Variants in GUCY1A2 observed in about 807,000 individuals in gnomAD.
GUCY1A2 encodes guanylate cyclase 1 soluble subunit alpha 2.
A neutral mutation model predicts 63.5 loss-of-function variants in GUCY1A2; 27 were observed. The observed-to-expected ratio is 0.43, with a 90% CI of 0.31 to 0.59. The LOEUF is 0.59. Ranked by LOEUF, GUCY1A2 falls within the 20% of genes least tolerant of loss-of-function variation. The pLI, the probability that GUCY1A2 is intolerant of heterozygous loss-of-function variation, is 0.11. For synonymous variants in GUCY1A2, 364 were observed against 343.5 expected, an observed-to-expected ratio of 1.06 and a Z score of -0.66; for missense variants, 768 against 913.3, an observed-to-expected ratio of 0.84 and a Z score of 2.05.
intron 6 of GUCY1A2, among the ~76,000 whole-genome samples, chr11:106,759,245 G>C (rs1413416828): frequency 1.3e-5 from 2 of 151,818 alleles, no homozygotes; most frequent in Non-Finnish European, 2.9e-5. Flanking sequence ...TTAAGGCCCA[G>C]TTGAGTTCAA....
At chr11:106,704,238 C>T (rs948342231) in intron 7 of GUCY1A2, among the ~76,000 whole-genome samples, 1 of 152,070 alleles carries the variant, frequency 6.6e-6, no homozygotes, top group Non-Finnish European at 1.5e-5. Flanking sequence ...TTTCTTCCTC[C>T]ATGGAAAGAA....
chr11:106,741,826 A>G (rs748230707), intron 6 of GUCY1A2, among the ~76,000 whole-genome samples: 4 of 152,242 alleles, frequency 2.6e-5, no homozygotes, highest in Admixed American at 2.6e-4. Flanking sequence ...TTACCATTAA[A>G]TAAAATGTCA....
At chr11:106,776,074 A>T (rs1055680770) in intron 6 of GUCY1A2, among the ~76,000 whole-genome samples, 14 of 152,136 alleles carry the variant, frequency 9.2e-5, no homozygotes, top group South Asian at 4.1e-4. Flanking sequence ...CAGGTCCTCC[A>T]TTTTCTTGCT....
chr11:107,002,514 A>G (rs1301820350), intron 1 of GUCY1A2, among the ~76,000 whole-genome samples: 1 of 152,154 alleles, frequency 6.6e-6, no homozygotes, highest in Non-Finnish European at 1.5e-5. Flanking sequence ...AACACAAATA[A>G]AAAAACAGTT....
chr11:106,792,257 G>C (rs1280675624), intron 5 of GUCY1A2, among the ~76,000 whole-genome samples: 1 of 151,936 alleles, frequency 6.6e-6, no homozygotes, highest in Admixed American at 6.6e-5. Context: ...TCAGTGGTGG[G>C]TGCCTGTAAT....
At chr11:106,718,358 G>A (rs1023519114) in intron 6 of GUCY1A2, among the ~76,000 whole-genome samples, 2 of 152,028 alleles carry the variant, frequency 1.3e-5, no homozygotes, top group Non-Finnish European at 2.9e-5. Flanking sequence ...ATTTTCTGAT[G>A]AGGAAGGATA....
Position 107,017,870 on chromosome 11 carries a change from G to A in GUCY1A2, c.186C>T (p.Thr62=). Residue 62 remains threonine (T), a synonymous_variant, in exon 1 of 8, where the codon ACC becomes ACT. Transcript: ENST00000526355. ...AAAAAAAPAP[T]PAASAAAAAA... ...CGGCGGCGGCGGCAGAAGCAGCCGG[G>A]GTCGGGGCCGGGGCGGCGGCAGCGG... 8.0e-7 allele frequency: 1 copy of A among 1,250,162 alleles called. No homozygotes were observed. Among genetic ancestry groups the A allele is most frequent in the Non-Finnish European group, 1.0e-6 (1 of 995,438 alleles). The allele number at this position is 1,250,162 out of a possible 1,614,324, so 77.4% of individuals were successfully genotyped here.
At chr11:106,888,166 A>G (rs1414037294) in intron 4 of GUCY1A2, among the ~76,000 whole-genome samples, 1 of 152,060 alleles carries the variant, frequency 6.6e-6, no homozygotes, top group African/African-American at 2.4e-5. Flanking sequence ...GAGAACCAAA[A>G]ATGATTTTGA....
In GUCY1A2 at chr11:106,810,417, C is replaced by T; in HGVS notation, c.1268G>A (p.Gly423Asp). 1 of 1,610,678 alleles carries T rather than the reference C, an allele frequency of 6.2e-7. No homozygotes were observed. Among genetic ancestry groups the T allele is most frequent in the African/African-American group, 1.3e-5 (1 of 74,758 alleles). ...VPESNSILFL[G>D]SPCVDKLDEL... ...ATCCAACTTGTCCACACATGGAGAG[C>T]CCAAAAATAAAATGGAATTTGATTC... is the stretch of plus-strand genomic sequence containing the variant. Residue 423 changes from glycine (G) to aspartate (D), a missense_variant, in exon 5 of 8, where the codon GGC becomes GAC. This residue lies in a region of GUCY1A2 where 122 missense variants were observed against 238.1 expected (regional missense o/e 0.51). Coordinates refer to ENST00000526355, the MANE Select transcript of GUCY1A2 (RefSeq NM_000855.3).
chr11:106,885,428 C>A (rs1345182054), intron 4 of GUCY1A2, among the ~76,000 whole-genome samples: 1 of 152,186 alleles, frequency 6.6e-6, no homozygotes, highest in Non-Finnish European at 1.5e-5. Flanking sequence ...CAAGATACCA[C>A]TGCTCAGGTG....
chr11:106,700,008 C>T (rs1300271872), intron 7 of GUCY1A2, among the ~76,000 whole-genome samples: 1 of 152,018 alleles, frequency 6.6e-6, no homozygotes, highest in Non-Finnish European at 1.5e-5. Flanking sequence ...TGGTCTCGAT[C>T]TCCTGACTTC....
At chr11:106,768,987 C>T (rs1158832649) in intron 6 of GUCY1A2, among the ~76,000 whole-genome samples, 2 of 152,120 alleles carry the variant, frequency 1.3e-5, no homozygotes, top group Non-Finnish European at 2.9e-5. Flanking sequence ...CAGGTCCTCA[C>T]AGAGACCAAA....
chr11:106,979,345 C>T (rs901295641), intron 2 of GUCY1A2, among the ~76,000 whole-genome samples: 17 of 151,526 alleles, frequency 1.1e-4, no homozygotes, highest in Admixed American at 5.3e-4. Context: ...GTCCCAGCTA[C>T]TCTGGAGGCT....
rs749711538 is a variant in GUCY1A2, at chr11:106,721,408, CAGTA to C, written c.1837-12746_1837-12743del. ...AATGTTTCTTATCTTCAAATTCAGA[CAGTA>C]AGGGACTGTTATGTGAAATAAAATA... is the stretch of plus-strand genomic sequence containing the variant. On this transcript the variant is annotated intron_variant, in intron 6 of 7. Transcript: ENST00000526355. Among the ~76,000 whole-genome samples the C allele has an allele frequency of 8.9e-4, 135 of 152,186 alleles. 2 individuals are homozygous for C. Among genetic ancestry groups the C allele is most frequent in the Non-Finnish European group, 3.4e-4 (23 of 68,010 alleles).
At chr11:106,985,714 G>T (rs901117959) in intron 2 of GUCY1A2, among the ~76,000 whole-genome samples, 1 of 152,104 alleles carries the variant, frequency 6.6e-6, no homozygotes, top group Admixed American at 6.6e-5. Flanking sequence ...TCTACTTAAG[G>T]ATTCTAAAAT....
intron 4 of GUCY1A2, among the ~76,000 whole-genome samples, chr11:106,817,902 A>C (rs2135428518): frequency 6.6e-6 from 1 of 152,240 alleles, no homozygotes; most frequent in South Asian, 2.1e-4. Context: ...TGGGAGTGGA[A>C]ATTAGTACAG....
chr11:107,017,480 G>A (rs972565693), intron 1 of GUCY1A2, among the ~76,000 whole-genome samples: 1 of 152,184 alleles, frequency 6.6e-6, no homozygotes, highest in African/African-American at 2.4e-5. Context: ...GTGAAGTAGG[G>A]TTCAAGGCTA....
chr11:106,797,510 A>T (rs1864788334), intron 5 of GUCY1A2, among the ~76,000 whole-genome samples: 1 of 152,188 alleles, frequency 6.6e-6, no homozygotes, highest in Admixed American at 6.6e-5. Context: ...AGTTATTCCA[A>T]AACTAACCAC....
intron 4 of GUCY1A2, among the ~76,000 whole-genome samples, chr11:106,923,329 C>T (rs113551149): frequency 1.3e-3 from 191 of 152,296 alleles, no homozygotes; most frequent in African/African-American, 4.3e-3. Flanking sequence ...CCTTAGATCG[C>T]TCGCTTAGCA....
Sources: gnomAD v4.1 joint callset for allele counts (sites outside exome capture counted in the v4.1 genomes callset) on GRCh38, gnomAD v4.1.1 for gene constraint, gnomAD v4.1.1 regional missense constraint, MANE v1.5 for transcripts, NCBI Gene and HGNC (gene_info 2026-07-23, HGNC 2026-07-21) for gene names.